Variants in GRM5 observed in about 807,000 individuals in gnomAD.
GRM5 encodes metabotropic glutamate receptor 5.
In GRM5, 19 loss-of-function variants were observed where a neutral mutation model predicts 83.1. The observed-to-expected ratio is 0.23, with a 90% CI of 0.16 to 0.34. The LOEUF (loss-of-function observed/expected upper bound fraction) is 0.34. Ranked by LOEUF, GRM5 falls within the 10% of genes least tolerant of loss-of-function variation. GRM5 has a pLI of 1.00. For missense variants in GRM5, 1,160 were observed against 1,588.3 expected, an observed-to-expected ratio of 0.73 and a Z score of 4.58; for synonymous variants, 675 against 633.6, an observed-to-expected ratio of 1.07 and a Z score of -0.98.
intron 3 of GRM5, among the ~76,000 whole-genome samples, chr11:88,837,347 G>C (rs1399252308): frequency 6.6e-6 from 1 of 152,086 alleles, no homozygotes; most frequent in South Asian, 2.1e-4. Context: ...CAAATTAGTT[G>C]TCTCTCTGTG....
At chr11:88,890,451 T>C (rs901429254) in intron 2 of GRM5, among the ~76,000 whole-genome samples, 2 of 152,148 alleles carry the variant, frequency 1.3e-5, no homozygotes, top group African/African-American at 2.4e-5. Context: ...ATATTCTGTT[T>C]GTGTTGCTAT....
chr11:88,934,853 G>A (rs557536635), intron 2 of GRM5, among the ~76,000 whole-genome samples: 2 of 151,946 alleles, frequency 1.3e-5, no homozygotes, highest in East Asian at 3.9e-4. Context: ...GGAGTTGAAA[G>A]TTAAGTCTGA....
At chr11:88,528,144 A>G (rs1941924886) in intron 8 of GRM5, among the ~76,000 whole-genome samples, 1 of 152,118 alleles carries the variant, frequency 6.6e-6, no homozygotes, top group Non-Finnish European at 1.5e-5. Context: ...TGCTTTTGGT[A>G]AAAGCTTTCA....
At chr11:88,645,658 G>T (rs927386030) in intron 4 of GRM5, among the ~76,000 whole-genome samples, 10 of 152,110 alleles carry the variant, frequency 6.6e-5, no homozygotes, top group African/African-American at 2.4e-4. Context: ...TGCTCTTTAG[G>T]TGAAGACCTT....
At chr11:89,059,900 T>C (rs765693640) in intron 1 of GRM5, among the ~76,000 whole-genome samples, 2 of 152,150 alleles carry the variant, frequency 1.3e-5, no homozygotes, top group Non-Finnish European at 2.9e-5. Context: ...ACTTGTGCAA[T>C]TTATTCATCA....
chr11:88,670,974 A>G (rs1940178603), intron 3 of GRM5, among the ~76,000 whole-genome samples: 1 of 152,024 alleles, frequency 6.6e-6, no homozygotes, highest in Non-Finnish European at 1.5e-5. Context: ...AATGCTATTA[A>G]ATACACACCA....
chr11:88,828,152 A>G (rs1943924952), intron 3 of GRM5, among the ~76,000 whole-genome samples: 1 of 152,204 alleles, frequency 6.6e-6, no homozygotes, highest in Admixed American at 6.5e-5. Context: ...GAATTGGGAC[A>G]GGGGAGGAGC....
At chr11:88,974,766 C>A (rs754193951) in intron 2 of GRM5, among the ~76,000 whole-genome samples, 2 of 152,122 alleles carry the variant, frequency 1.3e-5, no homozygotes, top group African/African-American at 2.4e-5. Context: ...TTACAAAAAT[C>A]TCTTATCTCT....
intron 3 of GRM5, among the ~76,000 whole-genome samples, chr11:88,776,673 G>T (rs1480069405): frequency 1.3e-5 from 2 of 152,080 alleles, no homozygotes; most frequent in South Asian, 4.2e-4. Context: ...CTCTGTAGAG[G>T]ATTTTATTTC....
At chr11:88,971,770 A>G (rs1939171148) in intron 2 of GRM5, among the ~76,000 whole-genome samples, 1 of 152,124 alleles carries the variant, frequency 6.6e-6, no homozygotes, top group Admixed American at 6.6e-5. Flanking sequence ...TTTAGAGGAC[A>G]TACATGTAAT....
At chr11:88,700,215 G>T (rs1940996973) in intron 3 of GRM5, among the ~76,000 whole-genome samples, 1 of 152,114 alleles carries the variant, frequency 6.6e-6, no homozygotes, top group Non-Finnish European at 1.5e-5. Flanking sequence ...CTATGGGAGT[G>T]GCCAGGGTAT....
chr11:88,938,783 TTA>T (rs1314514352), intron 2 of GRM5, among the ~76,000 whole-genome samples: 1 of 151,710 alleles, frequency 6.6e-6, no homozygotes, highest in Non-Finnish European at 1.5e-5. Context: ...TAAAATTGGA[TTA>T]TGTTTTTACA....
At chr11:88,724,902 A>G (rs1941638358) in intron 3 of GRM5, among the ~76,000 whole-genome samples, 2 of 152,174 alleles carry the variant, frequency 1.3e-5, no homozygotes, top group African/African-American at 4.8e-5. Context: ...AAGTCTTCAC[A>G]ACCCGCAGAC....
intron 3 of GRM5, among the ~76,000 whole-genome samples, chr11:88,778,709 T>A (rs1486780806): frequency 1.3e-5 from 2 of 152,234 alleles, no homozygotes; most frequent in Non-Finnish European, 2.9e-5. Context: ...AAGTTGCTTT[T>A]TATGTAAAGA....
At chr11:89,006,120 A>G (rs1477326884) in intron 2 of GRM5, among the ~76,000 whole-genome samples, 1 of 152,226 alleles carries the variant, frequency 6.6e-6, no homozygotes, top group African/African-American at 2.4e-5. Flanking sequence ...GTGTTGCAGA[A>G]TACGGAAAGA....
At chr11:88,916,778 A>G (rs1039867260) in intron 2 of GRM5, among the ~76,000 whole-genome samples, 1 of 109,694 alleles carries the variant, frequency 9.1e-6, no homozygotes, top group Admixed American at 9.4e-5. Context: ...GAGAGAAAAG[A>G]GAACTTTGTC....
intron 3 of GRM5, among the ~76,000 whole-genome samples, chr11:88,807,881 T>C (rs1943523553): frequency 6.6e-6 from 1 of 152,084 alleles, no homozygotes; most frequent in African/African-American, 2.4e-5. Context: ...CTGCTTCTCA[T>C]TTGCCATGTA....
At position 88,919,257 on chromosome 11, in the gene GRM5, T is replaced by TATATA. The variant is rs1945648853; in HGVS notation, c.662-69103_662-69102insTATAT. Among the ~76,000 whole-genome samples the TATATA allele has an allele frequency of 2.1e-5, 2 of 96,408 alleles. 1 individual carries two copies. The highest frequency in any genetic ancestry group is 2.2e-4 in the Admixed American group (2 of 9,082). 63.2% of individuals were successfully genotyped at this position (96,408 alleles called of 152,430 possible). On this transcript the variant is annotated intron_variant, in intron 2 of 9. Transcript: ENST00000305447. ...GAGTAGCTATATATATATATATATATCGGATAAAATAGATTTTAAGACAAT... is the reference window on the plus strand; with the variant it reads ...GAGTAGCTATATATATATATATATATATATACGGATAAAATAGATTTTAAGACAAT...
In GRM5 at chr11:88,726,174, C is replaced by T. The variant is rs184509034; in HGVS notation, c.912-72771G>A. On this transcript the variant is annotated intron_variant, in intron 3 of 9. Transcript: ENST00000305447. ...GAGAGGAATTGCTGACTAGAATAACCAGTTTAGAGAAGAACATAAATGACC... is the reference window on the plus strand; with the variant it reads ...GAGAGGAATTGCTGACTAGAATAACTAGTTTAGAGAAGAACATAAATGACC... Among the ~76,000 whole-genome samples, 51 of 152,184 alleles carry T rather than the reference C, an allele frequency of 3.4e-4. 1 individual carries two copies. The highest frequency in any genetic ancestry group is 3.4e-3 in the Middle Eastern group (1 of 294).
Sources: allele counts gnomAD v4.1 joint callset (sites outside exome capture counted in the v4.1 genomes callset), GRCh38; gene constraint gnomAD v4.1.1; transcripts MANE v1.5; gene names NCBI Gene and HGNC (gene_info 2026-07-23, HGNC 2026-07-21).